The following SLCO1B3 variants were observed in gnomAD, a reference collection of about 807,000 sequenced individuals.
The protein encoded by SLCO1B3 is liver-specific organic anion transporter 2.
In SLCO1B3, 72 loss-of-function variants were observed where a neutral mutation model predicts 71.8. The ratio of observed to expected loss-of-function variants is 1.00; its 90% CI spans 0.83 to 1.22. The LOEUF is 1.22. Ranked by LOEUF, SLCO1B3 falls within the 50% of genes most tolerant of loss-of-function variation. The pLI is 0.00. For missense variants in SLCO1B3, 911 were observed against 819.7 expected (o/e 1.11, Z -1.36); for synonymous variants, 298 against 278.4 (o/e 1.07, Z -0.70).
intron 3 of SLCO1B3, among the ~76,000 whole-genome samples, chr12:20,830,466 GTAAA>G (rs1402363532): frequency 4.6e-5 from 7 of 152,118 alleles, no homozygotes; most frequent in Admixed American, 3.3e-4. Context: ...GAGCAGGTAG[GTAAA>G]TAGTCAAGTA....
At chr12:20,866,897 G>A (rs1487948136) in intron 8 of SLCO1B3, among the ~76,000 whole-genome samples, 2 of 152,098 alleles carry the variant, frequency 1.3e-5, no homozygotes, top group South Asian at 2.1e-4. Context: ...CCTTGAAGGG[G>A]AAATAGTAAA....
At chr12:20,819,706 G>T (rs1279952297) in intron 3 of SLCO1B3, among the ~76,000 whole-genome samples, 2 of 152,186 alleles carry the variant, frequency 1.3e-5, no homozygotes, top group African/African-American at 4.8e-5. Context: ...GCTGTAGCAG[G>T]CGAGTGATAA....
chr12:20,859,803 T>C (rs1269289307), intron 5 of SLCO1B3, among the ~76,000 whole-genome samples: 3 of 152,096 alleles, frequency 2.0e-5, no homozygotes, highest in Non-Finnish European at 2.9e-5. Context: ...ATGTCATATC[T>C]TTGCATCTGT....
At chr12:20,834,179 A>G (rs1360555131) in intron 3 of SLCO1B3, among the ~76,000 whole-genome samples, 7 of 136,296 alleles carry the variant, frequency 5.1e-5, no homozygotes, top group Non-Finnish European at 3.2e-5. Flanking sequence ...ATGTATGTAT[A>G]TAGTAAACAT....
Position 20,880,835 on chromosome 12 carries a change from T to C in SLCO1B3, c.1332-20T>C, listed in dbSNP as rs750699634. Reference sequence around the variant, plus strand: ...TTCCTCTTTCTCTTTTTTTGATATATTTCTATCATATATTTTCAGAAATAA... The same window carrying C: ...TTCCTCTTTCTCTTTTTTTGATATACTTCTATCATATATTTTCAGAAATAA... On this transcript the variant is annotated intron_variant, in intron 11 of 15. Transcript: ENST00000381545. The C allele has an allele frequency of 6.5e-7, 1 of 1,542,308 alleles. No individual in the cohort carries two copies. Among genetic ancestry groups the C allele is most frequent in the Non-Finnish European group, 8.9e-7 (1 of 1,125,982 alleles).
chr12:20,902,669 C>A (rs964323155), intron 15 of SLCO1B3, among the ~76,000 whole-genome samples: 2 of 152,048 alleles, frequency 1.3e-5, no homozygotes, highest in Non-Finnish European at 2.9e-5. Context: ...CTGCATTACA[C>A]AAGGTATTGT....
chr12:20,826,681 G>GA (rs59247806), intron 3 of SLCO1B3, among the ~76,000 whole-genome samples: 79,028 of 148,620 alleles, frequency 0.53, 21,383 homozygotes, highest in East Asian at 0.73. Flanking sequence ...AGTCATTTTA[G>GA]AAAAAAAAAA....
chr12:20,832,340 TTTGA>T (rs915117931), intron 3 of SLCO1B3, among the ~76,000 whole-genome samples: 1 of 152,202 alleles, frequency 6.6e-6, no homozygotes, highest in African/African-American at 2.4e-5. Context: ...TCTACCATTA[TTTGA>T]TTATTTTCCC....
Position 20,823,212 on chromosome 12 carries a change from T to TA in SLCO1B3, c.84+7391dup, listed in dbSNP as rs540307216. 1.1e-3 allele frequency among the ~76,000 whole-genome samples: 161 copies of TA among 152,318 alleles called. 4 individuals are homozygous for TA. The South Asian group carries it at 0.033, about 31-fold the overall frequency. ...TTCGTGTGTATAAATCGGTTTCTGT[T>TA]ATTTTCTTCTGAAGTTTAAGTTGTC... On this transcript the variant is annotated intron_variant, in intron 3 of 15. Transcript: ENST00000381545.
intron 3 of SLCO1B3, among the ~76,000 whole-genome samples, chr12:20,845,870 A>G (rs1864908127): frequency 6.6e-6 from 1 of 152,072 alleles, no homozygotes; most frequent in Non-Finnish European, 1.5e-5. Flanking sequence ...TAGGTCTAGT[A>G]GTAATTGTTT....
At chr12:20,845,468 G>C (rs4562873) in intron 3 of SLCO1B3, among the ~76,000 whole-genome samples, 110,112 of 152,014 alleles carry the variant, frequency 0.72, 42,471 homozygotes, top group South Asian at 0.9. Flanking sequence ...ACTTCTCCTT[G>C]TGTAAACTCA....
intron 8 of SLCO1B3, among the ~76,000 whole-genome samples, chr12:20,865,281 G>T (rs1865349757): frequency 6.6e-6 from 1 of 152,112 alleles, no homozygotes; most frequent in Non-Finnish European, 1.5e-5. Flanking sequence ...TGTTGATTAT[G>T]AAACAATATG....
intron 8 of SLCO1B3, among the ~76,000 whole-genome samples, chr12:20,868,546 C>G (rs1591770799): frequency 6.6e-6 from 1 of 152,196 alleles, no homozygotes; most frequent in East Asian, 1.9e-4. Context: ...GAGTTTGACT[C>G]TTTTGTATGC....
At chr12:20,889,404 T>C (rs1339363554) in intron 13 of SLCO1B3, among the ~76,000 whole-genome samples, 1 of 152,144 alleles carries the variant, frequency 6.6e-6, no homozygotes, top group Non-Finnish European at 1.5e-5. Context: ...GTTAAGGATT[T>C]CTGTTTCTTC....
intron 3 of SLCO1B3, among the ~76,000 whole-genome samples, chr12:20,839,847 TTCTG>T: frequency 6.6e-6 from 1 of 152,306 alleles, no homozygotes; most frequent in East Asian, 1.9e-4. Flanking sequence ...TCTGATATTT[TTCTG>T]TCTTTGTTCA....
At chr12:20,883,315 G>T in intron 12 of SLCO1B3, 103 bp from the exon 13 acceptor site, 1 of 633,900 alleles carries the variant, frequency 1.6e-6, no homozygotes, top group South Asian at 4.2e-5. Context: ...TTTTTAAACT[G>T]TAAATATTTT....
intron 8 of SLCO1B3, among the ~76,000 whole-genome samples, chr12:20,866,683 G>A (rs905065118): frequency 6.6e-6 from 1 of 151,854 alleles, no homozygotes; most frequent in Non-Finnish European, 1.5e-5. Flanking sequence ...GAGGAGAAAG[G>A]ACATCTACCT....
rs12822208 is a variant in SLCO1B3, at chr12:20,915,914, C to T, written c.1866-90C>T. On this transcript the variant is annotated intron_variant, in intron 15 of 15. Coordinates refer to ENST00000381545, the MANE Select transcript of SLCO1B3 (RefSeq NM_019844.4). ...TTGTATGTGTAACTTGTTTTTCTTT[C>T]TTTTAAGATATGCATACTGGGGAGA... 3.7e-3 allele frequency: 3,479 copies of T among 939,174 alleles called. 7 individuals are homozygous for T. Among genetic ancestry groups the T allele is most frequent in the Non-Finnish European group, 5.0e-3 (3,134 of 632,518 alleles). 58.2% of individuals were successfully genotyped at this position (939,174 alleles called of 1,614,324 possible). A position where few individuals can be genotyped will look rare whatever the true frequency, so the allele number is the denominator to read the frequency against.
In SLCO1B3 at chr12:20,872,510, G is replaced by A. The variant is rs115618018; in HGVS notation, c.728-2725G>A. Reference sequence around the variant, plus strand: ...TCTTAAACAGAAGGAGTCTTTCACCGCAACCACCATGGCTGGGATTGTGCT... The same window carrying A: ...TCTTAAACAGAAGGAGTCTTTCACCACAACCACCATGGCTGGGATTGTGCT... On this transcript the variant is annotated intron_variant, in intron 8 of 15. Transcript: ENST00000381545. Among the ~76,000 whole-genome samples, 1,098 of 151,970 alleles carry A rather than the reference G, an allele frequency of 7.2e-3. 16 individuals carry two copies. Among genetic ancestry groups the A allele is most frequent in the African/African-American group, 0.023 (962 of 41,506 alleles).
Sources: allele counts gnomAD v4.1 joint callset (sites outside exome capture counted in the v4.1 genomes callset), GRCh38; gene constraint gnomAD v4.1.1; transcripts MANE v1.5; gene names NCBI Gene and HGNC (gene_info 2026-07-23, HGNC 2026-07-21).